The following BMP2 variants were observed in gnomAD, a reference collection of about 807,000 sequenced individuals.
The protein encoded by BMP2 is bone morphogenetic protein 2.
In BMP2, 2 loss-of-function variants were observed where a neutral mutation model predicts 28.8. That is an observed-to-expected ratio of 0.07 (90% confidence interval 0.03 to 0.22). The LOEUF is 0.22. BMP2 is among the 10% of genes least tolerant of loss of function. BMP2 has a pLI of 1.00. For missense variants in BMP2, 437 were observed against 517.7 expected, an observed-to-expected ratio of 0.84 and a Z score of 1.51; for synonymous variants, 218 against 204.3, an observed-to-expected ratio of 1.07 and a Z score of -0.57.
chr20:6,776,549 G>A (rs147403608), intron 2 of BMP2, among the ~76,000 whole-genome samples: 7 of 152,218 alleles, frequency 4.6e-5, no homozygotes, highest in East Asian at 1.9e-4. Context: ...GACACTCCAA[G>A]TGTGGTCTTA....
At chr20:6,768,930 G>A (rs1037976312) in intron 1 of BMP2, 55 bp downstream of exon 1, 55 of 398,474 alleles carry the variant, frequency 1.4e-4, no homozygotes, top group Non-Finnish European at 7.1e-5. Context: ...GGGGATTTGG[G>A]CAGCCACTGC....
At chr20:6,775,378 C>A (rs567837894) in intron 2 of BMP2, among the ~76,000 whole-genome samples, 1 of 152,290 alleles carries the variant, frequency 6.6e-6, no homozygotes, top group African/African-American at 2.4e-5. Context: ...GTCTAACTTA[C>A]CTCTGTGACC....
At chr20:6,773,537 C>G (rs537057816) in intron 2 of BMP2, among the ~76,000 whole-genome samples, 27 of 152,230 alleles carry the variant, frequency 1.8e-4, no homozygotes, top group African/African-American at 6.3e-4. Flanking sequence ...AACTATTTTG[C>G]GTTCTTAGAC....
rs1986537030 is a variant in BMP2 at position 6,778,124 on chromosome 20, T to C, written c.347-121T>C. The C allele has an allele frequency of 7.2e-7, 1 of 1,395,434 alleles. No individual in the cohort carries two copies. Among genetic ancestry groups the C allele is most frequent in the Non-Finnish European group, 9.6e-7 (1 of 1,041,458 alleles). The allele number at this position is 1,395,434 out of a possible 1,614,324, so 86.4% of individuals were successfully genotyped here. On this transcript the variant is annotated intron_variant, in intron 2 of 2. Transcript: ENST00000378827. This position sits in a 1 kb window ranked among gnomAD's most constrained non-coding sequence, Gnocchi z 5.0. Reference sequence around the variant, plus strand: ...TATTTTCTGGTTACCTACTTTTACATGGGTTACATCAAATCCCACGATGAG... The same window carrying C: ...TATTTTCTGGTTACCTACTTTTACACGGGTTACATCAAATCCCACGATGAG...
intron 1 of BMP2, among the ~76,000 whole-genome samples, chr20:6,769,529 C>T (rs1383552975): frequency 1.3e-5 from 2 of 151,808 alleles, no homozygotes; most frequent in Non-Finnish European, 2.9e-5. Flanking sequence ...TCGAGACACC[C>T]CTGAGGGTAG....
intron 2 of BMP2, among the ~76,000 whole-genome samples, chr20:6,772,369 T>C (rs1279843553): frequency 2.0e-5 from 3 of 152,220 alleles, no homozygotes. Context: ...AGTTAGATAA[T>C]GGAGAAAAGC....
In BMP2 at chr20:6,770,299, T is replaced by C; in HGVS notation, c.173T>C (p.Leu58Pro). 6.2e-7 allele frequency: 1 copy of C among 1,613,272 alleles called. No homozygotes were observed. Residue 58 changes from leucine to proline, a missense_variant, in exon 2 of 3, where the codon CTC becomes CCC. Physicochemically the swap from Leu to Pro is moderately conservative, Grantham distance 98. Coordinates refer to ENST00000378827, the MANE Select transcript of BMP2 (RefSeq NM_001200.4). ...CTGAGCGAGTTCGAGTTGCGGCTGC[T>C]CAGCATGTTCGGCCTGAAACAGAGA... ...EVLSEFELRL[L>P]SMFGLKQRPT...
chr20:6,768,580 G>A lies in BMP2; in HGVS notation c.-303G>A. 1 of 395,094 alleles carries A rather than the reference G, an allele frequency of 2.5e-6. No individual in the cohort carries two copies. The allele number at this position is 395,094 out of a possible 1,614,324, so 24.5% of individuals were successfully genotyped here. The stretch of plus-strand genomic sequence containing the variant: ...TGGCTGGGGACTTCTTGAACTTGCA[G>A]GGAGAATAACTTGCGCACCCCACTT... On this transcript the variant is annotated 5_prime_UTR_variant, in exon 1 of 3. Coordinates refer to ENST00000378827, the MANE Select transcript of BMP2 (RefSeq NM_001200.4).
At chr20:6,777,743 C>T (rs970596948) in intron 2 of BMP2, among the ~76,000 whole-genome samples, 3 of 152,076 alleles carry the variant, frequency 2.0e-5, no homozygotes, top group Non-Finnish European at 4.4e-5. Flanking sequence ...ATCTGTATAT[C>T]GAGATTTGTA....
intron 2 of BMP2, 119 bp downstream of exon 2, chr20:6,770,591 T>C: frequency 2.0e-6 from 2 of 977,838 alleles, no homozygotes; most frequent in Non-Finnish European, 2.9e-6. Context: ...ACGTTTCCAC[T>C]CTTGCTTCTG....
Position 6,768,206 on chromosome 20 carries a change from G to T in BMP2, c.-677G>T, listed in dbSNP as rs1450468559. Reference sequence around the variant, plus strand: ...CTCGCCGGAGAATGCGCCCGAGGACGACGGGGCGCCAGAGCCGCGGTGCTT... The same window carrying T: ...CTCGCCGGAGAATGCGCCCGAGGACTACGGGGCGCCAGAGCCGCGGTGCTT... On this transcript the variant is annotated 5_prime_UTR_variant, in exon 1 of 3. Transcript: ENST00000378827. 7 of 398,066 alleles carry T rather than the reference G, an allele frequency of 1.8e-5. No individual in the cohort carries two copies. Among genetic ancestry groups the T allele is most frequent in the Non-Finnish European group, 3.1e-5 (7 of 225,884 alleles). The allele number at this position is 398,066 out of a possible 1,614,324, so 24.7% of individuals were successfully genotyped here.
intron 2 of BMP2, among the ~76,000 whole-genome samples, chr20:6,771,815 A>G (rs1367628276): frequency 1.3e-5 from 2 of 152,096 alleles, no homozygotes; most frequent in African/African-American, 4.8e-5. Context: ...ATCTCACTCC[A>G]CTCTTTCAGA....
chr20:6,775,784 G>T (rs1986488821), intron 2 of BMP2, among the ~76,000 whole-genome samples: 1 of 152,012 alleles, frequency 6.6e-6, no homozygotes, highest in South Asian at 2.1e-4. Flanking sequence ...TCATCGTCTG[G>T]CCATGTGGGT....
Position 6,768,187 on chromosome 20 carries a change from G to C in BMP2, c.-696G>C, listed in dbSNP as rs963829188. The C allele has an allele frequency of 1.0e-5, 4 of 398,290 alleles. No individual in the cohort carries two copies. The highest frequency in any genetic ancestry group is 6.3e-4 in the Middle Eastern group (1 of 1,590). 24.7% of individuals were successfully genotyped at this position (398,290 alleles called of 1,614,324 possible). A position where few individuals can be genotyped will look rare whatever the true frequency, so the allele number is the denominator to read the frequency against. On this transcript the variant is annotated 5_prime_UTR_variant, in exon 1 of 3. Transcript: ENST00000378827. ...GGCCCGGGACTCGGCTCGACTCGCC[G>C]GAGAATGCGCCCGAGGACGACGGGG...
chr20:6,776,052 T>G (rs1381746129), intron 2 of BMP2, among the ~76,000 whole-genome samples: 1 of 152,124 alleles, frequency 6.6e-6, no homozygotes, highest in African/African-American at 2.4e-5. Context: ...GTTGCTGACT[T>G]TTACCTTCTC....
At chr20:6,777,044 G>A (rs980306598) in intron 2 of BMP2, among the ~76,000 whole-genome samples, 6 of 152,184 alleles carry the variant, frequency 3.9e-5, no homozygotes, top group Admixed American at 1.3e-4. Flanking sequence ...GGTAAAGTTA[G>A]AATAAAATAA....
rs147880089 is a variant in BMP2 at position 6,770,301 on chromosome 20, A to G, written c.175A>G (p.Ser59Gly). 131 of 1,613,180 alleles carry G rather than the reference A, an allele frequency of 8.1e-5. 1 individual carries two copies. Among genetic ancestry groups the G allele is most frequent in the Non-Finnish European group, 1.0e-4 (123 of 1,179,922 alleles). Residue 59 changes from serine to glycine, a missense_variant, in exon 2 of 3, where the codon AGC (serine) becomes GGC (glycine). Around this residue, in one of 2 missense-constraint regions of BMP2, gnomAD observed 363 missense variants for 392.8 expected, o/e 0.92. Transcript: ENST00000378827. ...GAGCGAGTTCGAGTTGCGGCTGCTCAGCATGTTCGGCCTGAAACAGAGACC... is the reference window on the plus strand; with the variant it reads ...GAGCGAGTTCGAGTTGCGGCTGCTCGGCATGTTCGGCCTGAAACAGAGACC... ...VLSEFELRLL[S>G]MFGLKQRPTP...
chr20:6,770,117 C>T lies in BMP2; in HGVS notation c.-7-3C>T. 6.5e-7 allele frequency: 1 copy of T among 1,533,776 alleles called. No homozygotes were observed. The highest frequency in any genetic ancestry group is 8.8e-7 in the Non-Finnish European group (1 of 1,140,072). ...GGGTGACTCACGTCGGTCCTGTCCG[C>T]AGGTCGACCATGGTGGCCGGGACCC... On this transcript the variant is annotated splice_region_variant and splice_polypyrimidine_tract_variant and intron_variant, in intron 1 of 2. Transcript: ENST00000378827.
chr20:6,770,120 G>A lies in BMP2; in HGVS notation c.-7G>A, dbSNP rs776196167. ...TGACTCACGTCGGTCCTGTCCGCAG[G>A]TCGACCATGGTGGCCGGGACCCGCT... On this transcript the variant is annotated splice_region_variant and 5_prime_UTR_variant, in exon 2 of 3. Transcript: ENST00000378827. The A allele has an allele frequency of 6.5e-7, 1 of 1,536,306 alleles. No individual in the cohort carries two copies. The highest frequency in any genetic ancestry group is 2.4e-5 in the East Asian group (1 of 41,004).
Sources: allele counts gnomAD v4.1 joint callset (sites outside exome capture counted in the v4.1 genomes callset), GRCh38; gene constraint gnomAD v4.1.1; regional missense constraint gnomAD v4.1.1; non-coding constraint Gnocchi (gnomAD v3.1); transcripts MANE v1.5; gene names NCBI Gene and HGNC (gene_info 2026-07-23, HGNC 2026-07-21).